The following RBFOX1 variants were observed in gnomAD, a reference collection of about 807,000 sequenced individuals.
RBFOX1 encodes RNA binding protein fox-1 homolog 1.
Under a neutral mutation model 57.7 loss-of-function variants are expected in RBFOX1, and 8 were observed. That is an observed-to-expected ratio of 0.14 (90% confidence interval 0.08 to 0.25). The LOEUF is 0.25. RBFOX1 is among the 10% of genes least tolerant of loss of function. The pLI is 1.00. For synonymous variants in RBFOX1, 326 were observed against 222.4 expected (o/e 1.47, Z -4.15); for missense variants, 611 against 548.5 (o/e 1.11, Z -1.14).
intron 1 of RBFOX1, among the ~76,000 whole-genome samples, chr16:6,271,767 G>C (rs1306828207): frequency 1.3e-5 from 2 of 152,146 alleles, no homozygotes; most frequent in Non-Finnish European, 2.9e-5. Context: ...TGGATAATTT[G>C]AATGTCCTAT....
intron 3 of RBFOX1, among the ~76,000 whole-genome samples, chr16:5,681,420 C>T (rs531679792): frequency 1.4e-5 from 2 of 139,812 alleles, no homozygotes; most frequent in Non-Finnish European, 3.1e-5. Context: ...TGGAGTTTCT[C>T]TCTTGTTGTC....
At chr16:7,688,005 C>G (rs1488962197) in intron 14 of RBFOX1, among the ~76,000 whole-genome samples, 2 of 151,988 alleles carry the variant, frequency 1.3e-5, no homozygotes, top group Admixed American at 6.6e-5. Flanking sequence ...ATTTAAAAAA[C>G]AATCCTAGCT....
At chr16:6,230,633 G>A (rs546034232) in intron 1 of RBFOX1, among the ~76,000 whole-genome samples, 13 of 152,184 alleles carry the variant, frequency 8.5e-5, no homozygotes, top group South Asian at 4.1e-4. Context: ...GAGGTCTGAT[G>A]AGGGAGTGAG....
intron 2 of RBFOX1, among the ~76,000 whole-genome samples, chr16:6,427,293 C>G (rs760845411): frequency 6.6e-6 from 1 of 152,206 alleles, no homozygotes; most frequent in Non-Finnish European, 1.5e-5. Context: ...AGTATTTCTT[C>G]ATTATCATCG....
chr16:6,863,866 C>G (rs10153074), intron 3 of RBFOX1, among the ~76,000 whole-genome samples: 2 of 150,912 alleles, frequency 1.3e-5, no homozygotes, highest in Non-Finnish European at 2.9e-5. Flanking sequence ...AAGTTCTTTA[C>G]TGGTATTTTG....
At position 5,678,325 on chromosome 16, in the gene RBFOX1, C is replaced by G. The variant is rs1596712851; in HGVS notation, c.318+79364C>G. Among the ~76,000 whole-genome samples the G allele has an allele frequency of 9.8e-5, 15 of 152,288 alleles. No homozygotes were observed. In the South Asian group the frequency reaches 3.1e-3, roughly 32 times the overall value. ...GTGTCATCTGGGTTTAGCGGCTGGT[C>G]TTGTTCTTAAGCCTCTGTTGCAATT... On this transcript the variant is annotated intron_variant, in intron 3 of 19. Transcript: ENST00000641259.
intron 4 of RBFOX1, among the ~76,000 whole-genome samples, chr16:7,113,375 G>C (rs2065199843): frequency 6.6e-6 from 1 of 152,066 alleles, no homozygotes; most frequent in African/African-American, 2.4e-5. Flanking sequence ...CCGCAGTAAA[G>C]ATTCTTACAA....
intron 1 of RBFOX1, among the ~76,000 whole-genome samples, chr16:6,170,441 CCTCTT>C (rs958467792): frequency 3.7e-4 from 56 of 152,232 alleles, no homozygotes; most frequent in African/African-American, 1.3e-3. Context: ...ATTGTGGGCT[CCTCTT>C]CTGCTCTGAG....
intron 3 of RBFOX1, among the ~76,000 whole-genome samples, chr16:5,840,756 G>T (rs765959793): frequency 5.3e-5 from 8 of 152,194 alleles, no homozygotes; most frequent in Admixed American, 4.6e-4. Flanking sequence ...AGCATGGCCT[G>T]TGTGATCCAC....
intron 2 of RBFOX1, among the ~76,000 whole-genome samples, chr16:6,642,542 T>G (rs1304636011): frequency 6.6e-6 from 1 of 152,006 alleles, no homozygotes; most frequent in African/African-American, 2.4e-5. Context: ...TCTGCTTGTC[T>G]GCATGGCTAG....
At chr16:6,709,619 G>T (rs973967806) in intron 3 of RBFOX1, among the ~76,000 whole-genome samples, 2 of 152,104 alleles carry the variant, frequency 1.3e-5, no homozygotes, top group African/African-American at 4.8e-5. Context: ...CCATAAGATT[G>T]CTCCTGATTC....
intron 1 of RBFOX1, among the ~76,000 whole-genome samples, chr16:5,430,256 G>A (rs987211641): frequency 6.6e-6 from 1 of 152,162 alleles, no homozygotes; most frequent in Non-Finnish European, 1.5e-5. Context: ...GGCAGCAGGT[G>A]GTGGGGCCTG....
At chr16:5,709,995 G>T (rs963052902) in intron 3 of RBFOX1, among the ~76,000 whole-genome samples, 2 of 150,094 alleles carry the variant, frequency 1.3e-5, no homozygotes, top group Non-Finnish European at 3.0e-5. Flanking sequence ...TCTAACTCAG[G>T]CGCATTGGGT....
intron 1 of RBFOX1, among the ~76,000 whole-genome samples, chr16:6,262,860 A>G (rs1370485522): frequency 6.6e-6 from 1 of 152,168 alleles, no homozygotes; most frequent in Non-Finnish European, 1.5e-5. Context: ...GCCATCTCAC[A>G]ACCCTCATGG....
intron 1 of RBFOX1, among the ~76,000 whole-genome samples, chr16:6,276,865 T>A (rs2075855881): frequency 6.6e-6 from 1 of 152,080 alleles, no homozygotes. Context: ...GAAATCTCCA[T>A]GAAGACAAGG....
chr16:5,989,356 A>G (rs1228725805), intron 4 of RBFOX1, among the ~76,000 whole-genome samples: 1 of 151,968 alleles, frequency 6.6e-6, no homozygotes, highest in African/African-American at 2.4e-5. Context: ...AACAAACAAA[A>G]AAACCCCAAA....
chr16:5,516,174 G>T (rs1241078104), intron 2 of RBFOX1, among the ~76,000 whole-genome samples: 1 of 152,216 alleles, frequency 6.6e-6, no homozygotes, highest in Non-Finnish European at 1.5e-5. Context: ...CCTCCAAAGG[G>T]AGTCAAGCTT....
chr16:6,543,969 A>G (rs1232231323), intron 2 of RBFOX1, among the ~76,000 whole-genome samples: 1 of 152,228 alleles, frequency 6.6e-6, no homozygotes, highest in African/African-American at 2.4e-5. Context: ...TAAGAAAGGT[A>G]TAAAGAGGAG....
At chr16:7,699,709 C>T (rs151102956) in intron 14 of RBFOX1, among the ~76,000 whole-genome samples, 1 of 151,844 alleles carries the variant, frequency 6.6e-6, no homozygotes, top group Non-Finnish European at 1.5e-5. Flanking sequence ...TTTGAATATT[C>T]TGGAGAAAAT....
Sources: allele counts gnomAD v4.1 joint callset (sites outside exome capture counted in the v4.1 genomes callset), GRCh38; gene constraint gnomAD v4.1.1; transcripts MANE v1.5; gene names NCBI Gene and HGNC (gene_info 2026-07-23, HGNC 2026-07-21).